Variants in PGBD2 observed in about 807,000 individuals in gnomAD.
PGBD2 encodes piggyBac transposable element-derived protein 2.
A neutral mutation model predicts 8.1 loss-of-function variants in PGBD2; 6 were observed. The observed-to-expected ratio is 0.74, with a 90% confidence interval of 0.40 to 1.46. The LOEUF is 1.46. Among genes scored for constraint, PGBD2 ranks in the 40% most tolerant of loss-of-function variants. The probability of loss-of-function intolerance (pLI) is 0.02; values close to 1 mark genes in which losing one functional copy is unlikely to be tolerated. For synonymous variants in PGBD2, 318 were observed against 272.2 expected (o/e 1.17, Z -1.66); for missense variants, 802 against 739.0 (o/e 1.09, Z -0.99).
upstream of PGBD2, among the ~76,000 whole-genome samples, chr1:248,901,396 T>C (rs192582714): frequency 2.0e-5 from 3 of 152,180 alleles, no homozygotes; most frequent in Non-Finnish European, 2.9e-5. Flanking sequence ...AAATGACACA[T>C]AGATCAATGG....
the PGBD2 span, among the ~76,000 whole-genome samples, chr1:248,881,533 C>T: frequency 6.6e-6 from 1 of 152,174 alleles, no homozygotes; most frequent in African/African-American, 2.4e-5. Flanking sequence ...TGGCAAAGAA[C>T]ACATCTGACA....
chr1:248,873,819 G>A, the PGBD2 span, among the ~76,000 whole-genome samples: 2 of 152,226 alleles, frequency 1.3e-5, no homozygotes, highest in Non-Finnish European at 2.9e-5. Context: ...GCGGACACAA[G>A]TATGAGGCTA....
chr1:248,925,859 C>G, the PGBD2 span, among the ~76,000 whole-genome samples: 130 of 152,206 alleles, frequency 8.5e-4, no homozygotes, highest in African/African-American at 2.7e-3. Flanking sequence ...CTGCTCTTTC[C>G]TTTGGTGACT....
At chr1:248,912,912 C>T (rs1255547439) in intron 1 of PGBD2, 1 of 151,598 alleles carries the variant, frequency 6.6e-6, no homozygotes, top group Non-Finnish European at 1.5e-5. Flanking sequence ...CAGCGATTCT[C>T]CTGCCTCAGC....
chr1:248,911,798 C>T (rs911481329), intron 1 of PGBD2, among the ~76,000 whole-genome samples: 8 of 151,594 alleles, frequency 5.3e-5, no homozygotes, highest in Non-Finnish European at 8.8e-5. Context: ...GGCGCTCCCC[C>T]AGCAAATTTT....
intron 1 of PGBD2, among the ~76,000 whole-genome samples, chr1:248,907,232 A>G (rs187791078): frequency 5.8e-4 from 88 of 152,376 alleles, no homozygotes; most frequent in East Asian, 2.3e-3. Context: ...ATGTGCACGT[A>G]GGCCACATTT....
At chr1:248,904,359 C>G (rs1661583533), upstream of PGBD2, among the ~76,000 whole-genome samples, 1 of 151,796 alleles carries the variant, frequency 6.6e-6, no homozygotes, top group African/African-American at 2.4e-5. Context: ...AAAGATTTGA[C>G]TTTGTTTTTA....
chr1:248,883,588 T>C, the PGBD2 span, among the ~76,000 whole-genome samples: 26 of 134,302 alleles, frequency 1.9e-4, no homozygotes, highest in South Asian at 4.9e-4. Flanking sequence ...TTTTTTCTTT[T>C]TTTTTTTTTT....
chr1:248,921,605 C>G (rs1462871750), downstream of PGBD2, among the ~76,000 whole-genome samples: 1 of 152,160 alleles, frequency 6.6e-6, no homozygotes, highest in Admixed American at 6.5e-5. Context: ...CCAGGATTGT[C>G]TTGGCTATGT....
chr1:248,910,830 TG>T (rs367884261), intron 1 of PGBD2, among the ~76,000 whole-genome samples: 114 of 152,278 alleles, frequency 7.5e-4, no homozygotes, highest in African/African-American at 2.7e-3. Context: ...TAGAGGAATT[TG>T]TTTTTTTTTT....
chr1:248,897,480 A>G, the PGBD2 span, among the ~76,000 whole-genome samples: 1 of 152,114 alleles, frequency 6.6e-6, no homozygotes, highest in African/African-American at 2.4e-5. Flanking sequence ...TGTATGTTCA[A>G]GTGCTATTTC....
chr1:248,875,517 C>G, the PGBD2 span, among the ~76,000 whole-genome samples: 1 of 151,964 alleles, frequency 6.6e-6, no homozygotes, highest in Non-Finnish European at 1.5e-5. Context: ...AGTTTTTATT[C>G]TAAGTTTTTT....
chr1:248,910,178 T>C (rs897354264), intron 1 of PGBD2, among the ~76,000 whole-genome samples: 3 of 152,212 alleles, frequency 2.0e-5, no homozygotes, highest in Admixed American at 6.5e-5. Context: ...TGATGCATCC[T>C]TAATCAAACA....
the PGBD2 span, among the ~76,000 whole-genome samples, chr1:248,889,424 T>A: frequency 2.0e-5 from 3 of 151,386 alleles, no homozygotes; most frequent in Admixed American, 6.6e-5. Flanking sequence ...TAACACTTAC[T>A]GAGCCGGACA....
At chr1:248,900,423 G>A in the PGBD2 span, among the ~76,000 whole-genome samples, 1 of 152,200 alleles carries the variant, frequency 6.6e-6, no homozygotes, top group Admixed American at 6.5e-5. Flanking sequence ...TCCCCAGGAT[G>A]CAAGGTTGGT....
the PGBD2 span, among the ~76,000 whole-genome samples, chr1:248,928,450 C>T: frequency 6.6e-6 from 1 of 152,158 alleles, no homozygotes; most frequent in African/African-American, 2.4e-5. Context: ...ACACAGGTAG[C>T]TCTAATATAG....
chr1:248,882,789 C>A, the PGBD2 span, among the ~76,000 whole-genome samples: 1 of 152,224 alleles, frequency 6.6e-6, no homozygotes. Flanking sequence ...GGAAGCACAT[C>A]ATGCACTGTT....
the PGBD2 span, among the ~76,000 whole-genome samples, chr1:248,898,630 A>G: frequency 2.0e-5 from 3 of 152,116 alleles, no homozygotes; most frequent in Non-Finnish European, 4.4e-5. Context: ...GAAAGGAAAA[A>G]CCGTTACCAG....
the PGBD2 span, among the ~76,000 whole-genome samples, chr1:248,926,487 A>G: frequency 5.3e-5 from 8 of 152,274 alleles, no homozygotes; most frequent in East Asian, 1.4e-3. Context: ...CTTCTCGTCT[A>G]CGTCCTTCAC....
Sources: gnomAD v4.1 joint callset for allele counts (sites outside exome capture counted in the v4.1 genomes callset) on GRCh38, gnomAD v4.1.1 for gene constraint, MANE v1.5 for transcripts, NCBI Gene and HGNC (gene_info 2026-07-23, HGNC 2026-07-21) for gene names.